The following SCAPER variants were observed in gnomAD, a reference collection of about 807,000 sequenced individuals.
SCAPER encodes S-phase cyclin A associated protein in the ER.
Under a neutral mutation model 182.2 loss-of-function variants are expected in SCAPER, and 98 were observed. That is an observed-to-expected ratio of 0.54 (90% CI 0.46 to 0.64). The LOEUF (loss-of-function observed/expected upper bound fraction) is 0.64, where lower values mean the gene tolerates loss of function less well. Among genes scored for constraint, SCAPER ranks in the 30% least tolerant of loss-of-function variants. The probability of loss-of-function intolerance (pLI) is 0.00; values close to 1 mark genes in which losing one functional copy is unlikely to be tolerated. For missense variants in SCAPER, 1,432 were observed against 1,690.0 expected, an observed-to-expected ratio of 0.85 and a Z score of 2.68; for synonymous variants, 605 against 564.6, an observed-to-expected ratio of 1.07 and a Z score of -1.01.
At chr15:76,423,468 C>A (rs2046196963) in intron 26 of SCAPER, among the ~76,000 whole-genome samples, 1 of 151,998 alleles carries the variant, frequency 6.6e-6, no homozygotes, top group Non-Finnish European at 1.5e-5. Context: ...TGGTGATATC[C>A]CGTTCATCAT....
At chr15:76,523,887 G>C (rs1020123229) in intron 23 of SCAPER, among the ~76,000 whole-genome samples, 1 of 151,994 alleles carries the variant, frequency 6.6e-6, no homozygotes, top group Non-Finnish European at 1.5e-5. Context: ...TGTAACTTTG[G>C]TGACTTCACT....
rs150140083 is a variant in SCAPER, at chr15:76,527,281, T to C, written c.2839-22307A>G. Among the ~76,000 whole-genome samples the C allele has an allele frequency of 7.9e-5, 12 of 152,340 alleles. No individual in the cohort carries two copies. The East Asian group carries it at 1.9e-3, about 24-fold the overall frequency. On this transcript the variant is annotated intron_variant, in intron 23 of 31. Coordinates refer to ENST00000563290, the MANE Select transcript of SCAPER (RefSeq NM_020843.4). Reference sequence around the variant, plus strand: ...GCTTTCTTAATATTTGATTTATGCATGTTTGTAGTTTTGGTTTGCAGGTGC... The same window carrying C: ...GCTTTCTTAATATTTGATTTATGCACGTTTGTAGTTTTGGTTTGCAGGTGC...
At chr15:76,871,358 G>A (rs867189036) in intron 2 of SCAPER, among the ~76,000 whole-genome samples, 14 of 142,888 alleles carry the variant, frequency 9.8e-5, no homozygotes, top group Middle Eastern at 3.9e-3. Flanking sequence ...GCAATGAGCT[G>A]AGATCGCACC....
intron 22 of SCAPER, among the ~76,000 whole-genome samples, chr15:76,613,312 A>G (rs1030264677): frequency 1.3e-5 from 2 of 152,234 alleles, no homozygotes; most frequent in African/African-American, 2.4e-5. Flanking sequence ...CCAAAACTAT[A>G]AAAACCCTAG....
chr15:76,701,897 A>G (rs748989474), intron 19 of SCAPER, 32 bp from the exon 20 acceptor site: 2 of 1,461,958 alleles, frequency 1.4e-6, no homozygotes, highest in Admixed American at 1.7e-5. Context: ...AATGTAATCA[A>G]TATAACATTA....
At chr15:76,424,110 G>C (rs1029583729) in intron 26 of SCAPER, among the ~76,000 whole-genome samples, 1 of 152,188 alleles carries the variant, frequency 6.6e-6, no homozygotes, top group African/African-American at 2.4e-5. Context: ...ATTTGGGGTG[G>C]AGAGTTCTGT....
At chr15:76,646,120 C>G (rs1029033684) in intron 21 of SCAPER, among the ~76,000 whole-genome samples, 3 of 152,080 alleles carry the variant, frequency 2.0e-5, no homozygotes, top group Non-Finnish European at 4.4e-5. Flanking sequence ...GGATTGGTTC[C>G]AGGATCCCCA....
intron 20 of SCAPER, among the ~76,000 whole-genome samples, chr15:76,699,005 T>C (rs1158875280): frequency 6.6e-6 from 1 of 152,176 alleles, no homozygotes; most frequent in Non-Finnish European, 1.5e-5. Context: ...GATTCCCAGA[T>C]TTTTTATTCT....
chr15:76,511,486 G>C (rs570454943), intron 23 of SCAPER, among the ~76,000 whole-genome samples: 1 of 152,190 alleles, frequency 6.6e-6, no homozygotes, highest in East Asian at 1.9e-4. Context: ...AAACACTCCA[G>C]GGACAACTTC....
intron 2 of SCAPER, among the ~76,000 whole-genome samples, chr15:76,865,064 A>G (rs2072169039): frequency 6.6e-6 from 1 of 152,158 alleles, no homozygotes; most frequent in Admixed American, 6.5e-5. Context: ...ATTATCACTG[A>G]TACAGAATTA....
intron 29 of SCAPER, among the ~76,000 whole-genome samples, chr15:76,373,837 G>GGGCTTA (rs1171604985): frequency 2.0e-5 from 3 of 152,106 alleles, no homozygotes; most frequent in African/African-American, 7.2e-5. Context: ...ATACAGAGCA[G>GGGCTTA]GGCTTAGTGT....
intron 23 of SCAPER, among the ~76,000 whole-genome samples, chr15:76,554,785 A>ATTCTT (rs1267525000): frequency 1.7e-5 from 2 of 116,506 alleles, no homozygotes; most frequent in African/African-American, 2.6e-5. Flanking sequence ...TATATTCAGC[A>ATTCTT]TTCTTTTTTT....
chr15:76,578,521 AT>A (rs1271668725), intron 22 of SCAPER, among the ~76,000 whole-genome samples: 3 of 152,210 alleles, frequency 2.0e-5, no homozygotes, highest in African/African-American at 7.2e-5. Flanking sequence ...GAGAGACTCC[AT>A]TTGTTTGGGA....
chr15:76,652,337 C>CACAT (rs1555519597), intron 21 of SCAPER, among the ~76,000 whole-genome samples: 2 of 13,790 alleles, frequency 1.5e-4, no homozygotes, highest in Non-Finnish European at 2.6e-4. Flanking sequence ...CACACATACA[C>CACAT]ATATATACAC....
In SCAPER at chr15:76,381,615, C is replaced by T. The variant is rs199859385; in HGVS notation, c.3468G>A (p.Arg1156=). The change falls in exon 28 of 32, where the codon AGG becomes AGA. Residue 1156 remains arginine, a splice_region_variant and synonymous_variant. Coordinates refer to ENST00000563290, the MANE Select transcript of SCAPER (RefSeq NM_020843.4). ...MCTLCFAVTG[R]SYSIFDNNRQ... ...GATTATTGTCAAATATGCTGTATGA[C>T]CTGACAAAGAAACATTCAGTTCTTT... The T allele has an allele frequency of 9.2e-4, 1,446 of 1,576,566 alleles. 1 individual carries two copies. The highest frequency in any genetic ancestry group is 1.3e-3 in the Admixed American group (69 of 54,162).
intron 17 of SCAPER, among the ~76,000 whole-genome samples, chr15:76,722,589 T>C (rs1295322106): frequency 6.6e-6 from 1 of 152,244 alleles, no homozygotes; most frequent in Non-Finnish European, 1.5e-5. Context: ...CTATTAATTA[T>C]TGCCTCAATT....
intron 1 of SCAPER, among the ~76,000 whole-genome samples, chr15:76,899,231 C>A (rs534919757): frequency 6.6e-6 from 1 of 152,338 alleles, no homozygotes; most frequent in African/African-American, 2.4e-5. Context: ...CTGCCATGAT[C>A]TCAGCTAGCT....
chr15:76,699,980 C>A (rs760195228), intron 20 of SCAPER, among the ~76,000 whole-genome samples: 2 of 152,198 alleles, frequency 1.3e-5, no homozygotes, highest in African/African-American at 2.4e-5. Context: ...TGGGTAGTTG[C>A]ACGCCAGCAG....
chr15:76,388,399 T>G (rs2043429319), intron 27 of SCAPER, among the ~76,000 whole-genome samples: 1 of 151,832 alleles, frequency 6.6e-6, no homozygotes. Context: ...AAGGCTGCAG[T>G]GAGCTATCAT....
Sources: allele counts gnomAD v4.1 joint callset (sites outside exome capture counted in the v4.1 genomes callset), GRCh38; gene constraint gnomAD v4.1.1; transcripts MANE v1.5; gene names NCBI Gene and HGNC (gene_info 2026-07-23, HGNC 2026-07-21).